DIAPH2: variants seen among roughly 807,000 people sequenced by gnomAD.
The protein encoded by DIAPH2 is protein diaphanous homolog 2.
DIAPH2 carries 35 observed loss-of-function variants against 92.7 expected under a neutral mutation model. The ratio of observed to expected loss-of-function variants is 0.38; its 90% confidence interval spans 0.29 to 0.50. DIAPH2 has a LOEUF of 0.50. Among genes scored for constraint, DIAPH2 ranks in the 20% least tolerant of loss-of-function variants. The probability of loss-of-function intolerance (pLI) is 0.94; values close to 1 mark genes in which losing one functional copy is unlikely to be tolerated. For missense variants in DIAPH2, 701 were observed against 819.5 expected, an observed-to-expected ratio of 0.86 and a Z score of 1.77; for synonymous variants, 301 against 280.4, an observed-to-expected ratio of 1.07 and a Z score of -0.73.
intron 5 of DIAPH2, among the ~76,000 whole-genome samples, chrX:96,897,423 A>C (rs1391748306): frequency 9.0e-6 from 1 of 110,572 alleles, no homozygotes; most frequent in Non-Finnish European, 1.9e-5. Context: ...AACAGGTCTT[A>C]GTTTATTCCA....
chrX:96,896,796 G>T (rs1325198041), intron 5 of DIAPH2, among the ~76,000 whole-genome samples: 1 of 111,964 alleles, frequency 8.9e-6, no homozygotes, highest in Non-Finnish European at 1.9e-5. Flanking sequence ...GTACAAGTCA[G>T]GTTGACAATA....
chrX:97,560,007 C>T (rs2071283038), intron 26 of DIAPH2, among the ~76,000 whole-genome samples: 1 of 111,675 alleles, frequency 9.0e-6, no homozygotes, highest in Non-Finnish European at 1.9e-5. Flanking sequence ...AAACCTCTTC[C>T]AATCCTACCC....
intron 16 of DIAPH2, among the ~76,000 whole-genome samples, chrX:96,962,433 A>G (rs1399225469): frequency 1.3e-5 from 1 of 74,444 alleles, no homozygotes; most frequent in East Asian, 3.5e-4. Flanking sequence ...ATATATACAT[A>G]TATATATACA....
At chrX:97,522,869 T>G (rs925487114) in intron 26 of DIAPH2, among the ~76,000 whole-genome samples, 1 of 112,612 alleles carries the variant, frequency 8.9e-6, no homozygotes, top group Non-Finnish European at 1.9e-5. Flanking sequence ...TAGTGGTCTG[T>G]CTGTTAAGCA....
intron 25 of DIAPH2, among the ~76,000 whole-genome samples, chrX:97,417,339 C>T (rs1214529713): frequency 9.1e-6 from 1 of 110,098 alleles, no homozygotes; most frequent in Non-Finnish European, 1.9e-5. Flanking sequence ...CATAAGTTTG[C>T]AGCAGTGTGC....
At chrX:96,788,434 T>C (rs2064475089) in intron 4 of DIAPH2, among the ~76,000 whole-genome samples, 1 of 111,966 alleles carries the variant, frequency 8.9e-6, no homozygotes, top group Admixed American at 9.5e-5. Flanking sequence ...ACTTAGTTGT[T>C]AGCCAGTAAA....
chrX:97,075,284 G>T, intron 19 of DIAPH2, 23 bp downstream of exon 19: 2 of 1,049,136 alleles, frequency 1.9e-6, no homozygotes, highest in South Asian at 4.3e-5. Context: ...TTTTCCTTTT[G>T]AAATTCATTT....
chrX:96,736,453 C>T (rs1212358973), intron 2 of DIAPH2, among the ~76,000 whole-genome samples: 2 of 111,223 alleles, frequency 1.8e-5, no homozygotes, highest in Non-Finnish European at 3.8e-5. Context: ...TGCAGTGGCG[C>T]GATCTCGGCT....
chrX:96,699,511 G>A (rs1467159436), intron 1 of DIAPH2, among the ~76,000 whole-genome samples: 1 of 111,870 alleles, frequency 8.9e-6, no homozygotes, highest in African/African-American at 3.3e-5. Flanking sequence ...CTGGGTTGCT[G>A]TTCTCTATCC....
intron 17 of DIAPH2, among the ~76,000 whole-genome samples, chrX:97,055,009 TTTTA>T (rs201638453): frequency 2.8e-4 from 31 of 110,203 alleles, no homozygotes; most frequent in African/African-American, 8.6e-4. Context: ...TTCTTTTTAA[TTTTA>T]TTTATTTATT....
intron 22 of DIAPH2, among the ~76,000 whole-genome samples, chrX:97,186,265 C>T (rs1208064225): frequency 1.8e-5 from 2 of 111,280 alleles, no homozygotes; most frequent in African/African-American, 6.5e-5. Flanking sequence ...TCTTTTAAGT[C>T]ACTGATTTTT....
intron 22 of DIAPH2, among the ~76,000 whole-genome samples, chrX:97,177,364 G>T (rs954414486): frequency 9.0e-6 from 1 of 111,549 alleles, no homozygotes; most frequent in Non-Finnish European, 1.9e-5. Context: ...TATAGGATTG[G>T]ACCCTAGTTT....
rs748187732 is a variant in DIAPH2, at chrX:97,070,824, A to G, written c.2051-2117A>G. 3.6e-4 allele frequency among the ~76,000 whole-genome samples: 40 copies of G among 111,849 alleles called. 1 individual carries two copies. Among genetic ancestry groups the G allele is most frequent in the African/African-American group, 1.2e-3 (37 of 30,906 alleles). On this transcript the variant is annotated intron_variant, in intron 17 of 26. Coordinates refer to ENST00000324765, the MANE Select transcript of DIAPH2 (RefSeq NM_006729.5). ...ACTATGAACTATAGATATTTAGGGC[A>G]TCTAATCTTAATTTTAAACAATTTG...
At chrX:97,278,292 A>T (rs2068468586) in intron 23 of DIAPH2, among the ~76,000 whole-genome samples, 1 of 112,137 alleles carries the variant, frequency 8.9e-6, no homozygotes, top group African/African-American at 3.2e-5. Context: ...ATCTTGCATT[A>T]GTATGGTACT....
intron 4 of DIAPH2, among the ~76,000 whole-genome samples, chrX:96,763,415 G>A (rs1467341726): frequency 9.0e-6 from 1 of 110,755 alleles, no homozygotes; most frequent in Non-Finnish European, 1.9e-5. Flanking sequence ...TGATGAAATT[G>A]TATGTTTTAC....
intron 4 of DIAPH2, among the ~76,000 whole-genome samples, chrX:96,789,983 A>G (rs973870535): frequency 9.0e-6 from 1 of 111,731 alleles, no homozygotes; most frequent in African/African-American, 3.3e-5. Context: ...TAAAGCAAAG[A>G]AAAAAGTGAG....
chrX:97,063,018 A>C (rs965165226), intron 17 of DIAPH2, among the ~76,000 whole-genome samples: 18 of 93,110 alleles, frequency 1.9e-4, no homozygotes, highest in Non-Finnish European at 3.7e-4. Context: ...TGAGCAATAG[A>C]GGGAAACTCT....
At chrX:97,535,474 CAG>C (rs917829807) in intron 26 of DIAPH2, among the ~76,000 whole-genome samples, 9 of 111,741 alleles carry the variant, frequency 8.1e-5, no homozygotes, top group African/African-American at 2.9e-4. Context: ...TTTTTTGAGA[CAG>C]AGTCTCACTC....
intron 17 of DIAPH2, among the ~76,000 whole-genome samples, chrX:97,005,330 T>C (rs971509725): frequency 3.0e-5 from 3 of 101,286 alleles, no homozygotes; most frequent in African/African-American, 1.3e-4. Flanking sequence ...TCCCTCCTCC[T>C]CTATTTTTTT....
Sources: allele counts gnomAD v4.1 joint callset (sites outside exome capture counted in the v4.1 genomes callset), GRCh38; gene constraint gnomAD v4.1.1; transcripts MANE v1.5; gene names NCBI Gene and HGNC (gene_info 2026-07-23, HGNC 2026-07-21).